Variants in SLC38A3 observed in about 807,000 individuals in gnomAD.
The protein encoded by SLC38A3 is sodium-coupled neutral amino acid transporter 3.
A neutral mutation model predicts 59.5 loss-of-function variants in SLC38A3; 17 were observed. That is an observed-to-expected ratio of 0.29 (90% CI 0.20 to 0.43). The LOEUF (loss-of-function observed/expected upper bound fraction) is 0.43, where lower values mean the gene tolerates loss of function less well. Ranked by LOEUF, SLC38A3 falls within the 20% of genes least tolerant of loss-of-function variation. SLC38A3 has a pLI of 1.00. For synonymous variants in SLC38A3, 238 were observed against 260.3 expected, an observed-to-expected ratio of 0.91 and a Z score of 0.82; for missense variants, 454 against 653.9, an observed-to-expected ratio of 0.69 and a Z score of 3.33.
chr3:50,210,736 C>T lies in SLC38A3; in HGVS notation c.-51-3413C>T, dbSNP rs182020837. Among the ~76,000 whole-genome samples the T allele has an allele frequency of 4.6e-5, 7 of 152,346 alleles. 1 individual carries two copies. The South Asian group carries it at 6.2e-4, about 14-fold the overall frequency. On this transcript the variant is annotated intron_variant, in intron 1 of 15. Coordinates refer to ENST00000614032, the MANE Select transcript of SLC38A3 (RefSeq NM_006841.6). ...CGTGGGCGGGCGTTACCTGCTGCGC[C>T]ATCCCTGTGGCTCCTGGCCCCTCCT...
At chr3:50,208,488 CCT>C (rs777123912) in intron 1 of SLC38A3, among the ~76,000 whole-genome samples, 4 of 152,148 alleles carry the variant, frequency 2.6e-5, no homozygotes, top group Admixed American at 2.6e-4. Flanking sequence ...GTCTCAAACT[CCT>C]GGGCTCAGGT....
Position 50,219,973 on chromosome 3 carries a change from C to T in SLC38A3, c.1399C>T (p.Pro467Ser). The T allele has an allele frequency of 6.2e-7, 1 of 1,612,348 alleles. No individual in the cohort carries two copies. The highest frequency in any genetic ancestry group is 8.5e-7 in the Non-Finnish European group (1 of 1,179,178). Residue 467 changes from proline to serine, a missense_variant, in exon 15 of 16, where the codon CCC becomes TCC. By Grantham distance (74) the Pro-to-Ser change is moderately conservative. Transcript: ENST00000614032. The part of the protein sequence containing the change: ...PTEKEPARST[P>S]KILALCFAML... ...GGAGAAGGAGCCTGCAAGATCCACC[C>T]CCAAAATCCTGGTGCGAGGGGCCTG...
At position 50,214,208 on chromosome 3, in the gene SLC38A3, G is replaced by A. The variant is rs140556448; in HGVS notation, c.9G>A (p.Ala3=). 4.6e-4 allele frequency: 736 copies of A among 1,613,562 alleles called. No individual in the cohort carries two copies. Among genetic ancestry groups the A allele is most frequent in the African/African-American group, 4.4e-3 (329 of 75,032 alleles). ...GTGGTGTGCCCTGAGCCATGGAGGC[G>A]CCTTTGCAGACAGAGATGGTGGAGC... ME[A]PLQTEMVELV... The change falls in exon 2 of 16, where the codon GCG becomes GCA. Residue 3 remains alanine (A), a synonymous_variant. Coordinates refer to ENST00000614032, the MANE Select transcript of SLC38A3 (RefSeq NM_006841.6). This position sits in a 1 kb window ranked among gnomAD's most constrained non-coding sequence, Gnocchi z 6.0.
rs114125594 is a variant in SLC38A3, at chr3:50,218,519, G to A, written c.1037-74G>A. ...TCTGCATGCCAATCCCCACAGTGTT[G>A]GGGTCCCCTAGGCAGCTCAGATCCC... is the stretch of plus-strand genomic sequence containing the variant. On this transcript the variant is annotated intron_variant, in intron 12 of 15. Transcript: ENST00000614032. This position sits in a 1 kb window ranked among gnomAD's most constrained non-coding sequence, Gnocchi z 5.8. 6.3e-4 allele frequency: 1,008 copies of A among 1,591,508 alleles called. 6 individuals are homozygous for A. In the African/African-American group the frequency reaches 0.012, roughly 19 times the overall value.
Position 50,218,574 on chromosome 3 carries a change from C to T in SLC38A3, c.1037-19C>T, listed in dbSNP as rs1338982935. ...CCTTCCTGGGGCCACCTACTGACCA[C>T]CCTCCCTGCCTGCCACAGACGGGGT... On this transcript the variant is annotated intron_variant, in intron 12 of 15. Transcript: ENST00000614032. This position sits in a 1 kb window ranked among gnomAD's most constrained non-coding sequence, Gnocchi z 5.8. 5 of 1,609,342 alleles carry T rather than the reference C, an allele frequency of 3.1e-6. No individual in the cohort carries two copies. The highest frequency in any genetic ancestry group is 4.2e-6 in the Non-Finnish European group (5 of 1,177,770).
At chr3:50,207,477 G>T (rs1699663464) in intron 1 of SLC38A3, 1 of 152,012 alleles carries the variant, frequency 6.6e-6, no homozygotes, top group African/African-American at 2.4e-5. Context: ...ATCAAGCCTG[G>T]GTAATTTTTT....
rs1431837079 is a variant in SLC38A3, at chr3:50,220,142, G to A, written c.1480G>A (p.Ala494Thr). Reference sequence around the variant, plus strand: ...CTTGAGCTTCATCATCATTGACTGGGCCTCAGGGACCAGCCGGCATGGAGG... The same window carrying A: ...CTTGAGCTTCATCATCATTGACTGGACCTCAGGGACCAGCCGGCATGGAGG... ...MSLSFIIIDW[A>T]SGTSRHGGNH Residue 494 changes from alanine to threonine, a missense_variant, in exon 16 of 16, where the codon GCC becomes ACC. Physicochemically the swap from Ala to Thr is moderately conservative, Grantham distance 58. Transcript: ENST00000614032. The A allele has an allele frequency of 8.7e-6, 14 of 1,601,282 alleles. No homozygotes were observed. The highest frequency in any genetic ancestry group is 1.7e-4 in the Middle Eastern group (1 of 6,042).
At chr3:50,216,062 G>T (rs2109156010) in intron 7 of SLC38A3, among the ~76,000 whole-genome samples, 1 of 152,330 alleles carries the variant, frequency 6.6e-6, no homozygotes, top group East Asian at 1.9e-4. Context: ...TAGGGGCAGG[G>T]TGCAGCTGAG....
rs1699832852 is a variant in SLC38A3, at chr3:50,217,364, A to G, written c.631+44A>G. ...GAGCCTTGGAGGGGATGTTGGAGGC[A>G]TACACCATGGGAGGGGCCCCAGGTC... On this transcript the variant is annotated intron_variant, in intron 8 of 15. Transcript: ENST00000614032. This position sits in a 1 kb window ranked among gnomAD's most constrained non-coding sequence, Gnocchi z 4.9. 4.3e-6 allele frequency: 7 copies of G among 1,611,252 alleles called. No homozygotes were observed. The African/African-American group carries it at 9.3e-5, about 22-fold the overall frequency.
At chr3:50,212,417 G>C (rs1455264597) in intron 1 of SLC38A3, among the ~76,000 whole-genome samples, 1 of 152,214 alleles carries the variant, frequency 6.6e-6, no homozygotes, top group African/African-American at 2.4e-5. Context: ...GGATGCTGAT[G>C]GCAAGGCTTA....
chr3:50,213,108 G>A (rs1201614620), intron 1 of SLC38A3, among the ~76,000 whole-genome samples: 3 of 152,198 alleles, frequency 2.0e-5, no homozygotes, highest in Non-Finnish European at 4.4e-5. Context: ...TCTGGGCAGC[G>A]GGCAGGGGTG....
Position 50,214,643 on chromosome 3 carries a change from G to A in SLC38A3, c.184-10G>A, listed in dbSNP as rs1389617738. ...CTCCCACCCTCCCCGTCCCATTCTG[G>A]TGCCTGCAGTTCGAGGGGAAGACAT... On this transcript the variant is annotated splice_polypyrimidine_tract_variant and intron_variant, in intron 3 of 15. Transcript: ENST00000614032. The surrounding 1 kb of genome is among the most constrained non-coding windows in gnomAD (Gnocchi z 6.0). 4 of 1,595,516 alleles carry A rather than the reference G, an allele frequency of 2.5e-6. No homozygotes were observed. Among genetic ancestry groups the A allele is most frequent in the Non-Finnish European group, 3.4e-6 (4 of 1,165,922 alleles).
intron 14 of SLC38A3, 57 bp downstream of exon 14, chr3:50,219,005 G>T (rs928555041): frequency 6.4e-5 from 100 of 1,571,362 alleles, no homozygotes; most frequent in Non-Finnish European, 8.1e-5. Context: ...TTTCAACTCT[G>T]CAAATCCTGG....
At position 50,220,261 on chromosome 3, in the gene SLC38A3, G is replaced by T; in HGVS notation, c.*84G>T. 1.9e-6 allele frequency: 2 copies of T among 1,039,786 alleles called. No homozygotes were observed. The highest frequency in any genetic ancestry group is 2.9e-6 in the Non-Finnish European group (2 of 691,664). 64.4% of individuals were successfully genotyped at this position (1,039,786 alleles called of 1,614,324 possible). ...CCCTGCTCCCATCCAGTGGCCAGTC[G>T]GGGGAGGAGAAAGACGCGATTAACA... On this transcript the variant is annotated 3_prime_UTR_variant, in exon 16 of 16. Coordinates refer to ENST00000614032, the MANE Select transcript of SLC38A3 (RefSeq NM_006841.6).
chr3:50,208,236 G>T (rs1265459098), intron 1 of SLC38A3, among the ~76,000 whole-genome samples: 2 of 151,614 alleles, frequency 1.3e-5, no homozygotes, highest in African/African-American at 4.8e-5. Flanking sequence ...TCTTTCTGGG[G>T]CTCTCTTTTT....
chr3:50,215,129 G>C lies in SLC38A3; in HGVS notation c.300-257G>C, dbSNP rs1299011338. On this transcript the variant is annotated intron_variant, in intron 4 of 15. Transcript: ENST00000614032. The surrounding 1 kb of genome is among the most constrained non-coding windows in gnomAD (Gnocchi z 7.1). ...CATGTTTGTTTCAAGGACTCAAGAGGAGGACGTGCTCAGAGGGCAGTCACA... is the reference window on the plus strand; with the variant it reads ...CATGTTTGTTTCAAGGACTCAAGAGCAGGACGTGCTCAGAGGGCAGTCACA... The C allele has an allele frequency of 1.2e-5, 7 of 575,866 alleles. No homozygotes were observed. The highest frequency in any genetic ancestry group is 2.2e-5 in the Non-Finnish European group (7 of 322,422). The allele number at this position is 575,866 out of a possible 1,614,324, so 35.7% of individuals were successfully genotyped here.
At chr3:50,205,731 G>A (rs1261801890) in intron 1 of SLC38A3, among the ~76,000 whole-genome samples, 1 of 152,254 alleles carries the variant, frequency 6.6e-6, no homozygotes, top group African/African-American at 2.4e-5. Flanking sequence ...GGGGCAGGCT[G>A]GAGAGGGCCC....
chr3:50,210,716 G>A (rs929964756), intron 1 of SLC38A3, among the ~76,000 whole-genome samples: 1 of 152,212 alleles, frequency 6.6e-6, no homozygotes, highest in Non-Finnish European at 1.5e-5. Context: ...GTTCGCGTGG[G>A]CGGGCGTTAC....
At position 50,219,994 on chromosome 3, in the gene SLC38A3, G is replaced by A. The variant is rs1699875031; in HGVS notation, c.1410+10G>A. On this transcript the variant is annotated intron_variant, in intron 15 of 15. Transcript: ENST00000614032. The stretch of plus-strand genomic sequence containing the variant: ...CACCCCCAAAATCCTGGTGCGAGGG[G>A]CCTGGAGGCCGGTGGGCTGGTATGG... 3.1e-6 allele frequency: 5 copies of A among 1,608,918 alleles called. No individual in the cohort carries two copies. The highest frequency in any genetic ancestry group is 1.3e-5 in the African/African-American group (1 of 74,916).
Sources: gnomAD v4.1 joint callset for allele counts (sites outside exome capture counted in the v4.1 genomes callset) on GRCh38, gnomAD v4.1.1 for gene constraint, Gnocchi (gnomAD v3.1) non-coding constraint, MANE v1.5 for transcripts, NCBI Gene and HGNC (gene_info 2026-07-23, HGNC 2026-07-21) for gene names.